Variants in TBC1D30 observed in about 807,000 individuals in gnomAD.
The protein encoded by TBC1D30 is TBC1 domain family, member 30.
Under a neutral mutation model 63.2 loss-of-function variants are expected in TBC1D30, and 31 were observed. That is an observed-to-expected ratio of 0.49 (90% CI 0.37 to 0.66). TBC1D30 has a LOEUF of 0.66. Ranked by LOEUF, TBC1D30 falls within the 30% of genes least tolerant of loss-of-function variation. TBC1D30 has a pLI of 0.00. For synonymous variants in TBC1D30, 307 were observed against 361.5 expected (o/e 0.85, Z 1.71); for missense variants, 810 against 953.6 (o/e 0.85, Z 1.98).
intron 5 of TBC1D30, among the ~76,000 whole-genome samples, chr12:64,834,594 A>G (rs1196957804): frequency 2.0e-5 from 3 of 149,758 alleles, no homozygotes; most frequent in Non-Finnish European, 4.4e-5. Flanking sequence ...TTTAGTAGAG[A>G]TGGGGTTTCA....
rs1241459288 is a variant in TBC1D30, at chr12:64,879,193, G to A, written c.*3405G>A. 2 of 152,154 alleles carry A rather than the reference G, an allele frequency of 1.3e-5. No homozygotes were observed. Among genetic ancestry groups the A allele is most frequent in the African/African-American group, 2.4e-5 (1 of 41,448 alleles). The allele number at this position is 152,154 out of a possible 1,614,324, so 9.4% of individuals were successfully genotyped here. On this transcript the variant is annotated 3_prime_UTR_variant, in exon 12 of 12. Transcript: ENST00000539867. Reference sequence around the variant, plus strand: ...AGTACGTTTGTGTATGTGTGTACACGCCATTATCTACAAAAAAGTTATGTT... The same window carrying A: ...AGTACGTTTGTGTATGTGTGTACACACCATTATCTACAAAAAAGTTATGTT...
At chr12:64,823,313 C>A (rs1229382111), upstream of TBC1D30, among the ~76,000 whole-genome samples, 7 of 152,134 alleles carry the variant, frequency 4.6e-5, no homozygotes, top group Non-Finnish European at 8.8e-5. Context: ...ATATGTACAA[C>A]TGTTGATGTA....
At chr12:64,785,547 T>G (rs1053020276) in intron 1 of TBC1D30, among the ~76,000 whole-genome samples, 29 of 152,132 alleles carry the variant, frequency 1.9e-4, no homozygotes, top group African/African-American at 7.0e-4. Context: ...TCTGAACACT[T>G]CAGTGGTACA....
intron 5 of TBC1D30, among the ~76,000 whole-genome samples, chr12:64,835,125 C>G (rs1179777290): frequency 6.6e-6 from 1 of 152,176 alleles, no homozygotes; most frequent in African/African-American, 2.4e-5. Context: ...CCTCTTCCCG[C>G]AGAGACAGAA....
intron 8 of TBC1D30, among the ~76,000 whole-genome samples, chr12:64,849,875 TATC>T (rs1393528123): frequency 6.6e-6 from 1 of 152,218 alleles, no homozygotes; most frequent in Non-Finnish European, 1.5e-5. Flanking sequence ...GTATGACCAT[TATC>T]ATGATATTGA....
intron 3 of TBC1D30, among the ~76,000 whole-genome samples, chr12:64,830,022 A>G (rs1874701857): frequency 6.6e-6 from 1 of 152,240 alleles, no homozygotes; most frequent in Non-Finnish European, 1.5e-5. Flanking sequence ...AGAGCAATAC[A>G]GAGCCAAGTA....
intron 8 of TBC1D30, among the ~76,000 whole-genome samples, chr12:64,854,703 G>A (rs1042878724): frequency 2.0e-5 from 3 of 152,078 alleles, no homozygotes; most frequent in Admixed American, 2.0e-4. Context: ...CACCGTGTTA[G>A]CCAGGATGGT....
intron 1 of TBC1D30, among the ~76,000 whole-genome samples, chr12:64,770,632 G>A (rs1046105619): frequency 6.6e-6 from 1 of 152,084 alleles, no homozygotes; most frequent in African/African-American, 2.4e-5. Context: ...TTCCTAGCTT[G>A]GCATAATTCC....
Position 64,795,602 on chromosome 12 carries a change from C to G in TBC1D30, c.643+9557C>G, listed in dbSNP as rs915893746. On this transcript the variant is annotated intron_variant, in intron 2 of 12. Coordinates refer to the TBC1D30 transcript ENST00000542120. ...GTGTAGTATAACATAAGTTGGATTT[C>G]AGCTTTCCTGTTAGTTTGGGATTTG... is the stretch of plus-strand genomic sequence containing the variant. Among the ~76,000 whole-genome samples, 5 of 152,036 alleles carry G rather than the reference C, an allele frequency of 3.3e-5. No homozygotes were observed. In the South Asian group the frequency reaches 1.0e-3, roughly 31 times the overall value.
chr12:64,853,456 C>T (rs1185718362), intron 8 of TBC1D30, among the ~76,000 whole-genome samples: 1 of 152,202 alleles, frequency 6.6e-6, no homozygotes, highest in Non-Finnish European at 1.5e-5. Flanking sequence ...TGAGCTAGAC[C>T]ACTTGGCTCC....
At chr12:64,763,529 T>C (rs1870594126) in intron 1 of TBC1D30, among the ~76,000 whole-genome samples, 1 of 152,156 alleles carries the variant, frequency 6.6e-6, no homozygotes, top group Non-Finnish European at 1.5e-5. Context: ...CTTTTTTTGG[T>C]TACTCTTTAC....
At chr12:64,828,410 T>C (rs775507359) in intron 2 of TBC1D30, 34 bp from the exon 3 acceptor site, 5 of 1,496,940 alleles carry the variant, frequency 3.3e-6, no homozygotes, top group Admixed American at 2.0e-5. Flanking sequence ...TAGGTCACTG[T>C]GATCACCTCC....
intron 2 of TBC1D30, among the ~76,000 whole-genome samples, chr12:64,787,544 T>C (rs575072811): frequency 6.6e-6 from 1 of 152,296 alleles, no homozygotes; most frequent in Non-Finnish European, 1.5e-5. Context: ...AATTAAGATG[T>C]GTTTGCTTTC....
In TBC1D30 at chr12:64,875,914, C is replaced by G. The variant is rs1879040985; in HGVS notation, c.*126C>G. ...ATAGGTTCAGGGATGAGCAACAGCC[C>G]ATAAAAAATGGGAACTGGAAGTTTT... On this transcript the variant is annotated 3_prime_UTR_variant, in exon 12 of 12. Transcript: ENST00000539867. 3 of 1,003,648 alleles carry G rather than the reference C, an allele frequency of 3.0e-6. No homozygotes were observed. The African/African-American group carries it at 4.9e-5, about 16-fold the overall frequency. The allele number at this position is 1,003,648 out of a possible 1,614,324, so 62.2% of individuals were successfully genotyped here. A position where few individuals can be genotyped will look rare whatever the true frequency, so the allele number is the denominator to read the frequency against.
At chr12:64,768,819 G>A (rs1870805716) in intron 1 of TBC1D30, among the ~76,000 whole-genome samples, 1 of 152,150 alleles carries the variant, frequency 6.6e-6, no homozygotes, top group African/African-American at 2.4e-5. Context: ...TTTATAGGCT[G>A]TATAACAAAG....
At chr12:64,865,937 A>G (rs1447848880) in intron 9 of TBC1D30, among the ~76,000 whole-genome samples, 15 of 152,222 alleles carry the variant, frequency 9.9e-5, no homozygotes, top group Admixed American at 9.8e-4. Context: ...TGGTACAATC[A>G]TGGCATACTG....
chr12:64,785,095 A>T (rs1323189073), intron 1 of TBC1D30, among the ~76,000 whole-genome samples: 2 of 152,176 alleles, frequency 1.3e-5, no homozygotes, highest in Non-Finnish European at 2.9e-5. Flanking sequence ...AATGTGGTAA[A>T]ATTATTTACT....
At chr12:64,800,625 A>G (rs754163715) in intron 2 of TBC1D30, among the ~76,000 whole-genome samples, 12 of 152,058 alleles carry the variant, frequency 7.9e-5, no homozygotes, top group Non-Finnish European at 1.3e-4. Context: ...GAGATCCCTC[A>G]GGTACCACAT....
intron 2 of TBC1D30, among the ~76,000 whole-genome samples, chr12:64,801,796 C>T (rs922000243): frequency 6.6e-6 from 1 of 152,100 alleles, no homozygotes; most frequent in Non-Finnish European, 1.5e-5. Context: ...ATGTATCAGG[C>T]AGCAGGAGAA....
Sources: allele counts gnomAD v4.1 joint callset (sites outside exome capture counted in the v4.1 genomes callset), GRCh38; gene constraint gnomAD v4.1.1; transcripts MANE v1.5; gene names NCBI Gene and HGNC (gene_info 2026-07-23, HGNC 2026-07-21).